GLB1: variants seen among roughly 807,000 people sequenced by gnomAD.
GLB1 encodes beta-galactosidase.
Under a neutral mutation model 74.0 loss-of-function variants are expected in GLB1, and 56 were observed. The observed-to-expected ratio is 0.76, with a 90% confidence interval of 0.61 to 0.94. GLB1 has a LOEUF of 0.94. Ranked by LOEUF, GLB1 falls within the 40% of genes least tolerant of loss-of-function variation. The probability of loss-of-function intolerance (pLI) is 0.00; values close to 1 mark genes in which losing one functional copy is unlikely to be tolerated. For synonymous variants in GLB1, 323 were observed against 323.6 expected (o/e 1.00, Z 0.02); for missense variants, 787 against 845.5 (o/e 0.93, Z 0.86).
Position 32,996,928 on chromosome 3 carries a change from T to A in GLB1, c.*117A>T, listed in dbSNP as rs982102099. On this transcript the variant is annotated 3_prime_UTR_variant, in exon 16 of 16. Coordinates refer to ENST00000307363, the MANE Select transcript of GLB1 (RefSeq NM_000404.4). ...GATGCAGGGAAACCTCAGGTGAAAA[T>A]GCACATCCTAAATTCCTTTTCCATT... 3 of 1,587,346 alleles carry A rather than the reference T, an allele frequency of 1.9e-6. No individual in the cohort carries two copies. In the Admixed American group the frequency reaches 5.1e-5, roughly 27 times the overall value.
chr3:33,064,776 CA>C (rs36181668), intron 5 of GLB1, among the ~76,000 whole-genome samples: 18 of 64,558 alleles, frequency 2.8e-4, no homozygotes, highest in African/African-American at 9.9e-4. Context: ...GACTCTCTCT[CA>C]AAAAAAAAAA....
chr3:33,046,402 ATTTC>A (rs767228494), intron 9 of GLB1, among the ~76,000 whole-genome samples, 170 bp from the exon 10 acceptor site: 5 of 152,014 alleles, frequency 3.3e-5, no homozygotes, highest in Non-Finnish European at 5.9e-5. Flanking sequence ...AGAGGAAGGA[ATTTC>A]TTTCTACAGG....
At chr3:33,088,855 G>A (rs919536204) in intron 1 of GLB1, among the ~76,000 whole-genome samples, 2 of 152,162 alleles carry the variant, frequency 1.3e-5, no homozygotes, top group African/African-American at 4.8e-5. Flanking sequence ...GAGCAAAGTT[G>A]AAAGACTCAT....
chr3:32,967,104 T>C, the GLB1 span, among the ~76,000 whole-genome samples: 1 of 152,224 alleles, frequency 6.6e-6, no homozygotes, highest in Admixed American at 6.5e-5. Context: ...TTTGTATTCA[T>C]ATTGTATTGG....
intron 15 of GLB1, among the ~76,000 whole-genome samples, chr3:33,002,617 T>A (rs1696626062): frequency 6.6e-6 from 1 of 152,146 alleles, no homozygotes. Context: ...CTATGTTGCC[T>A]AGGCTTGTCT....
At chr3:32,974,488 A>G in the GLB1 span, among the ~76,000 whole-genome samples, 1 of 152,076 alleles carries the variant, frequency 6.6e-6, no homozygotes, top group Non-Finnish European at 1.5e-5. Context: ...CTGTGTCTCT[A>G]TTATCTATCT....
At chr3:33,082,270 C>T (rs1339863882) in intron 1 of GLB1, among the ~76,000 whole-genome samples, 1 of 152,224 alleles carries the variant, frequency 6.6e-6, no homozygotes, top group Non-Finnish European at 1.5e-5. Context: ...GAGGATCCAT[C>T]ACACGGTTAT....
the GLB1 span, among the ~76,000 whole-genome samples, chr3:32,981,399 C>CAAAAAAAAAAAAA: frequency 8.9e-5 from 8 of 90,376 alleles, no homozygotes; most frequent in Non-Finnish European, 1.6e-4. Context: ...GACTCCATCT[C>CAAAAAAAAAAAAA]AAAAAAAAAA....
intron 9 of GLB1, among the ~76,000 whole-genome samples, chr3:33,051,149 T>A (rs754999697): frequency 6.9e-6 from 1 of 144,118 alleles, no homozygotes; most frequent in Non-Finnish European, 1.5e-5. Context: ...GGGAGAATGA[T>A]GTGAACCCGG....
At chr3:33,043,651 T>C (rs895604831) in intron 10 of GLB1, among the ~76,000 whole-genome samples, 4 of 151,162 alleles carry the variant, frequency 2.6e-5, no homozygotes, top group African/African-American at 4.9e-5. Flanking sequence ...TGTATAAATA[T>C]ATCAGTTAAA....
intron 1 of GLB1, among the ~76,000 whole-genome samples, chr3:33,086,548 A>C (rs1700509230): frequency 6.6e-6 from 1 of 152,238 alleles, no homozygotes; most frequent in South Asian, 2.1e-4. Flanking sequence ...GATCAAGCTG[A>C]CAACACCTGG....
At chr3:32,973,708 A>C in the GLB1 span, among the ~76,000 whole-genome samples, 2 of 152,248 alleles carry the variant, frequency 1.3e-5, no homozygotes, top group Non-Finnish European at 1.5e-5. Context: ...CACCAACCTA[A>C]TATAAATTTA....
chr3:33,092,411 A>T, intron 1 of GLB1: 2 of 993,468 alleles, frequency 2.0e-6, no homozygotes, highest in Non-Finnish European at 2.4e-6. Context: ...TGATTCTGGA[A>T]ACCACTTAAG....
chr3:32,986,926 G>T, the GLB1 span, among the ~76,000 whole-genome samples: 1 of 152,080 alleles, frequency 6.6e-6, no homozygotes, highest in Admixed American at 6.6e-5. Context: ...TTCCCCTACT[G>T]TTCACCTGAC....
Position 33,053,503 on chromosome 3 carries a change from G to C in GLB1, c.780C>G (p.Pro260=), listed in dbSNP as rs763307375. Residue 260 remains proline, a synonymous_variant, in exon 7 of 16, where the codon CCC becomes CCG. Transcript: ENST00000307363. The part of the protein sequence containing the change: ...DAFLSQRKCE[P]KGPLINSEFY... ...CCTCGATTCTTACCAAGGGTCCTTTGGGCTCACACTTCCTCTGGCTTAGGA... is the reference window on the plus strand; with the variant it reads ...CCTCGATTCTTACCAAGGGTCCTTTCGGCTCACACTTCCTCTGGCTTAGGA... 59 of 1,614,000 alleles carry C rather than the reference G, an allele frequency of 3.7e-5. No individual in the cohort carries two copies. Among genetic ancestry groups the C allele is most frequent in the Middle Eastern group, 1.6e-4 (1 of 6,084 alleles).
At chr3:33,007,415 TATA>T (rs1696833864) in intron 15 of GLB1, among the ~76,000 whole-genome samples, 2 of 152,260 alleles carry the variant, frequency 1.3e-5, no homozygotes, top group Non-Finnish European at 2.9e-5. Flanking sequence ...TCTTCCTGTC[TATA>T]TGAATTTGCC....
chr3:33,072,421 A>G, intron 2 of GLB1, 123 bp downstream of exon 2: 2 of 1,475,384 alleles, frequency 1.4e-6, no homozygotes, highest in Admixed American at 2.0e-5. Context: ...CCCTCCCAGA[A>G]CATCACACTG....
At chr3:33,043,300 G>A (rs1355247878) in intron 10 of GLB1, among the ~76,000 whole-genome samples, 1 of 152,226 alleles carries the variant, frequency 6.6e-6, no homozygotes, top group Non-Finnish European at 1.5e-5. Flanking sequence ...AATGACTAGA[G>A]AGGGACATTA....
intron 10 of GLB1, chr3:33,034,894 A>C (rs1698205584): frequency 4.7e-6 from 2 of 425,912 alleles, no homozygotes; most frequent in East Asian, 1.3e-4. Flanking sequence ...GATGGTTTGT[A>C]ATCTACTGTC....
Sources: allele counts gnomAD v4.1 joint callset (sites outside exome capture counted in the v4.1 genomes callset), GRCh38; gene constraint gnomAD v4.1.1; transcripts MANE v1.5; gene names NCBI Gene and HGNC (gene_info 2026-07-23, HGNC 2026-07-21).